The following SH3D19 variants were observed in gnomAD, a reference collection of about 807,000 sequenced individuals.
The protein encoded by SH3D19 is SH3 domain-containing protein 19.
A neutral mutation model predicts 112.1 loss-of-function variants in SH3D19; 58 were observed. That is an observed-to-expected ratio of 0.52 (90% CI 0.42 to 0.64). SH3D19 has a LOEUF of 0.64. Among genes scored for constraint, SH3D19 ranks in the 30% least tolerant of loss-of-function variants. The probability of loss-of-function intolerance (pLI) is 0.00; values close to 1 mark genes in which losing one functional copy is unlikely to be tolerated. For synonymous variants in SH3D19, 391 were observed against 448.5 expected (o/e 0.87, Z 1.62); for missense variants, 1,090 against 1,263.4 (o/e 0.86, Z 2.08).
chr4:151,319,084 CTTG>C (rs1366256259), intron 1 of SH3D19, among the ~76,000 whole-genome samples: 1 of 152,146 alleles, frequency 6.6e-6, no homozygotes, highest in Non-Finnish European at 1.5e-5. Context: ...GAGTTTCACT[CTTG>C]TTGTCCAGGC....
chr4:151,286,750 C>T (rs1034590922), intron 1 of SH3D19, among the ~76,000 whole-genome samples: 3 of 151,694 alleles, frequency 2.0e-5, no homozygotes, highest in Non-Finnish European at 2.9e-5. Flanking sequence ...GAGGCCAAGG[C>T]GGACAGGTCA....
At chr4:151,267,217 C>A (rs896349833) in intron 1 of SH3D19, among the ~76,000 whole-genome samples, 1 of 151,364 alleles carries the variant, frequency 6.6e-6, no homozygotes, top group Non-Finnish European at 1.5e-5. Flanking sequence ...TGCCTGTAGT[C>A]CCAGCTACTC....
At chr4:151,274,894 C>T (rs1203051866) in intron 1 of SH3D19, among the ~76,000 whole-genome samples, 1 of 152,106 alleles carries the variant, frequency 6.6e-6, no homozygotes, top group African/African-American at 2.4e-5. Context: ...GTTTCAGGCA[C>T]CCTAGGCTTG....
chr4:151,121,807 C>T lies in SH3D19; in HGVS notation c.*284G>A. 3.9e-6 allele frequency: 1 copy of T among 255,950 alleles called. No homozygotes were observed. Among genetic ancestry groups the T allele is most frequent in the Non-Finnish European group, 7.3e-6 (1 of 136,502 alleles). The allele number at this position is 255,950 out of a possible 1,614,324, so 15.9% of individuals were successfully genotyped here. On this transcript the variant is annotated 3_prime_UTR_variant, in exon 20 of 20. Transcript: ENST00000604030. ...CGTGCAACTTCTGTGTGTGAGCCTC[C>T]CCATGCTGCCATGCCACCAGATGCT...
chr4:151,164,713 G>C (rs1328464330), intron 8 of SH3D19, among the ~76,000 whole-genome samples: 1 of 151,602 alleles, frequency 6.6e-6, no homozygotes, highest in African/African-American at 2.4e-5. Context: ...CCAAGTAGTT[G>C]GGACTACAGG....
In SH3D19 at chr4:151,226,261, A is replaced by G. The variant is rs1580269249; in HGVS notation, c.113-175T>C. 2.5e-6 allele frequency: 3 copies of G among 1,221,550 alleles called. No individual in the cohort carries two copies. The East Asian group carries it at 9.6e-5, about 39-fold the overall frequency. 75.7% of individuals were successfully genotyped at this position (1,221,550 alleles called of 1,614,324 possible). A position where few individuals can be genotyped will look rare whatever the true frequency, so the allele number is the denominator to read the frequency against. On this transcript the variant is annotated intron_variant, in intron 1 of 19. Coordinates refer to ENST00000604030, the MANE Select transcript of SH3D19 (RefSeq NM_001378122.1). ...TTCGCCTGACAGAGGCAGAAAAGAC[A>G]CAATGAAGGACAGGCATAAAAGCTT... is the stretch of plus-strand genomic sequence containing the variant.
intron 19 of SH3D19, among the ~76,000 whole-genome samples, chr4:151,125,877 A>G (rs1749202470): frequency 6.6e-6 from 1 of 151,282 alleles, no homozygotes; most frequent in African/African-American, 2.4e-5. Context: ...GAAAGGAAGG[A>G]AGAATAAGAA....
intron 1 of SH3D19, among the ~76,000 whole-genome samples, chr4:151,250,424 T>TTA (rs1053489102): frequency 3.9e-5 from 6 of 151,988 alleles, no homozygotes; most frequent in Non-Finnish European, 5.9e-5. Flanking sequence ...ATATACATAT[T>TTA]TATATATATG....
chr4:151,249,104 G>C (rs1771164549), intron 1 of SH3D19, among the ~76,000 whole-genome samples: 1 of 151,904 alleles, frequency 6.6e-6, no homozygotes, highest in South Asian at 2.1e-4. Flanking sequence ...AACACTCAAG[G>C]GTATGTAATT....
At chr4:151,310,691 C>G (rs992716750) in intron 1 of SH3D19, among the ~76,000 whole-genome samples, 3 of 151,626 alleles carry the variant, frequency 2.0e-5, no homozygotes, top group African/African-American at 7.3e-5. Flanking sequence ...CATGCCTTGG[C>G]CTGCTGAGTA....
Position 151,144,522 on chromosome 4 carries a change from C to A in SH3D19, c.2083-472G>T, listed in dbSNP as rs548637722. Reference sequence around the variant, plus strand: ...ACCACAAGAGCTAAACATGGCCTAACATTCCCTTAATGACCATAACCAGGA... The same window carrying A: ...ACCACAAGAGCTAAACATGGCCTAAAATTCCCTTAATGACCATAACCAGGA... On this transcript the variant is annotated intron_variant, in intron 11 of 19. Transcript: ENST00000604030. 5.7e-6 allele frequency: 3 copies of A among 529,088 alleles called. No homozygotes were observed. In the East Asian group the frequency reaches 9.2e-5, roughly 16 times the overall value. 32.8% of individuals were successfully genotyped at this position (529,088 alleles called of 1,614,324 possible). A position where few individuals can be genotyped will look rare whatever the true frequency, so the allele number is the denominator to read the frequency against.
chr4:151,228,788 T>C (rs997681515), intron 1 of SH3D19, among the ~76,000 whole-genome samples: 1 of 152,172 alleles, frequency 6.6e-6, no homozygotes, highest in Non-Finnish European at 1.5e-5. Context: ...CTATATATAG[T>C]GCTTTAAGTG....
chr4:151,190,814 C>T (rs954246435), intron 2 of SH3D19, among the ~76,000 whole-genome samples: 1 of 152,236 alleles, frequency 6.6e-6, no homozygotes, highest in South Asian at 2.1e-4. Flanking sequence ...AGAGTCCCTA[C>T]TGGGGCATCG....
At chr4:151,205,454 G>A (rs1580149242) in intron 2 of SH3D19, among the ~76,000 whole-genome samples, 1 of 152,178 alleles carries the variant, frequency 6.6e-6, no homozygotes, top group Admixed American at 6.5e-5. Flanking sequence ...CAGACAGAGC[G>A]TGAACTGTGT....
At chr4:151,285,466 A>C (rs1352382306) in intron 1 of SH3D19, among the ~76,000 whole-genome samples, 1 of 152,228 alleles carries the variant, frequency 6.6e-6, no homozygotes, top group Non-Finnish European at 1.5e-5. Flanking sequence ...GGAAATTCAC[A>C]AATATGTGGA....
At chr4:151,318,287 T>TGA (rs1233098015) in intron 1 of SH3D19, among the ~76,000 whole-genome samples, 1 of 115,568 alleles carries the variant, frequency 8.7e-6, no homozygotes, top group African/African-American at 3.5e-5. Flanking sequence ...GGCGACAGAG[T>TGA]GAGACTCTGA....
chr4:151,256,148 G>A (rs1230828389), intron 1 of SH3D19, among the ~76,000 whole-genome samples: 3 of 152,064 alleles, frequency 2.0e-5, no homozygotes, highest in South Asian at 2.1e-4. Flanking sequence ...ATCAACTTCT[G>A]GGCATTATGG....
At chr4:151,139,314 G>A (rs1323665407) in intron 13 of SH3D19, among the ~76,000 whole-genome samples, 1 of 151,750 alleles carries the variant, frequency 6.6e-6, no homozygotes, top group Non-Finnish European at 1.5e-5. Flanking sequence ...CACTACGCCC[G>A]GCTAATTTTT....
intron 1 of SH3D19, among the ~76,000 whole-genome samples, chr4:151,279,370 A>T (rs978874895): frequency 5.9e-5 from 9 of 152,180 alleles, no homozygotes; most frequent in Non-Finnish European, 8.8e-5. Flanking sequence ...ATTTTAAGTT[A>T]AATGATATTC....
Sources: gnomAD v4.1 joint callset for allele counts (sites outside exome capture counted in the v4.1 genomes callset) on GRCh38, gnomAD v4.1.1 for gene constraint, MANE v1.5 for transcripts, NCBI Gene and HGNC (gene_info 2026-07-23, HGNC 2026-07-21) for gene names.